NAV1: variants seen among roughly 807,000 people sequenced by gnomAD.
NAV1 encodes pore membrane and/or filament interacting like protein 3.
A neutral mutation model predicts 175.2 loss-of-function variants in NAV1; 18 were observed. That is an observed-to-expected ratio of 0.10 (90% CI 0.07 to 0.15). The LOEUF (loss-of-function observed/expected upper bound fraction) is 0.15, where lower values mean the gene tolerates loss of function less well. Ranked by LOEUF, NAV1 falls within the 10% of genes least tolerant of loss-of-function variation. The pLI is 1.00. For missense variants in NAV1, 1,731 were observed against 2,436.6 expected (o/e 0.71, Z 6.10); for synonymous variants, 897 against 978.7 (o/e 0.92, Z 1.56).
At chr1:201,590,449 C>T (rs1667153898) in intron 2 of NAV1, among the ~76,000 whole-genome samples, 1 of 152,200 alleles carries the variant, frequency 6.6e-6, no homozygotes, top group Admixed American at 6.5e-5. Flanking sequence ...AAATGAAATT[C>T]AATGAGTTTT....
intron 16 of NAV1, 102 bp downstream of exon 20, chr1:201,803,816 C>A: frequency 7.0e-7 from 1 of 1,427,056 alleles, no homozygotes; most frequent in Non-Finnish European, 9.5e-7. Context: ...AAGGTGTAGT[C>A]CCGTCTAACA....
At chr1:201,630,195 G>A (rs920383856) in intron 2 of NAV1, among the ~76,000 whole-genome samples, 10 of 152,184 alleles carry the variant, frequency 6.6e-5, no homozygotes, top group African/African-American at 2.2e-4. Flanking sequence ...ACTTACGGAC[G>A]TGTGCTGATT....
At chr1:201,573,861 A>G (rs1666617514) in intron 1 of NAV1, among the ~76,000 whole-genome samples, 1 of 152,108 alleles carries the variant, frequency 6.6e-6, no homozygotes. Flanking sequence ...CCTAGTCCCA[A>G]CCTGGGCAAC....
At chr1:201,725,964 A>G (rs1337385981) in intron 3 of NAV1, among the ~76,000 whole-genome samples, 1 of 152,226 alleles carries the variant, frequency 6.6e-6, no homozygotes, top group Non-Finnish European at 1.5e-5. Context: ...AGAAAGTTAA[A>G]TAAATTTTAA....
At chr1:201,685,434 T>A (rs926912775) in intron 1 of NAV1, among the ~76,000 whole-genome samples, 6 of 152,144 alleles carry the variant, frequency 3.9e-5, no homozygotes, top group African/African-American at 9.7e-5. Context: ...GTAAGGCAAA[T>A]GAGCTCGCAC....
intron 2 of NAV1, among the ~76,000 whole-genome samples, chr1:201,612,610 A>T (rs147240823): frequency 4.3e-4 from 66 of 152,312 alleles, no homozygotes; most frequent in African/African-American, 1.3e-3. Context: ...GGTGGAAGAA[A>T]GGGGCAAACA....
chr1:201,617,771 T>C (rs920128211), intron 2 of NAV1, among the ~76,000 whole-genome samples: 2 of 152,182 alleles, frequency 1.3e-5, no homozygotes, highest in Non-Finnish European at 2.9e-5. Flanking sequence ...CACATTTTTG[T>C]CTAACACTGA....
chr1:201,748,977 A>G (rs57800400), intron 3 of NAV1, among the ~76,000 whole-genome samples: 9,255 of 152,060 alleles, frequency 0.061, 921 homozygotes, highest in African/African-American at 0.21. Flanking sequence ...ACGAAACCCA[A>G]TCTCTACTAA....
rs754696577 is a variant in NAV1, at chr1:201,809,157, C to T, written c.4208-7C>T. On this transcript the variant is annotated splice_polypyrimidine_tract_variant and splice_region_variant and intron_variant, in intron 20 of 29. Coordinates refer to ENST00000367296, the Ensembl canonical transcript of NAV1. ...TAAAACCAGTTGGTTCTTTTCAATC[C>T]CCACAGACCTGTCACCCATGGATGG... The T allele has an allele frequency of 1.2e-6, 2 of 1,613,236 alleles. No homozygotes were observed. The highest frequency in any genetic ancestry group is 1.7e-6 in the Non-Finnish European group (2 of 1,179,468).
intron 1 of NAV1, chr1:201,673,237 C>T (rs551826344): frequency 1.3e-4 from 20 of 152,366 alleles, no homozygotes; most frequent in African/African-American, 4.8e-4. Flanking sequence ...ACTTCCGGCC[C>T]GTGGGCAGGC....
At chr1:201,692,664 C>T (rs1227840750) in intron 1 of NAV1, among the ~76,000 whole-genome samples, 1 of 152,190 alleles carries the variant, frequency 6.6e-6, no homozygotes, top group African/African-American at 2.4e-5. Context: ...ACATATGTGA[C>T]AAGTCAGGTG....
At chr1:201,706,374 A>G (rs532853116) in intron 1 of NAV1, among the ~76,000 whole-genome samples, 1 of 152,148 alleles carries the variant, frequency 6.6e-6, no homozygotes, top group Admixed American at 6.5e-5. Context: ...ACCATCCCAC[A>G]TGATTAATTT....
At chr1:201,560,389 T>A (rs936337227) in intron 1 of NAV1, among the ~76,000 whole-genome samples, 2 of 152,166 alleles carry the variant, frequency 1.3e-5, no homozygotes, top group South Asian at 4.2e-4. Flanking sequence ...CAGCGCCAGC[T>A]TCCCCTCCAC....
At chr1:201,794,254 C>T (rs1677293065) in intron 14 of NAV1, 3 of 635,340 alleles carry the variant, frequency 4.7e-6, no homozygotes, top group Admixed American at 2.1e-5. Flanking sequence ...CAGGTTCAAG[C>T]GATTCTCCTG....
intron 1 of NAV1, among the ~76,000 whole-genome samples, chr1:201,628,851 C>A (rs1668409646): frequency 6.6e-6 from 1 of 152,158 alleles, no homozygotes; most frequent in Admixed American, 6.5e-5. Flanking sequence ...AGCAAGAGAC[C>A]TGTCCTCCCG....
chr1:201,633,652 G>T (rs1351524802), intron 2 of NAV1, among the ~76,000 whole-genome samples: 2 of 152,200 alleles, frequency 1.3e-5, no homozygotes, highest in Admixed American at 6.5e-5. Flanking sequence ...TGGCATCCCT[G>T]TCACTCCAAA....
chr1:201,715,089 T>C lies in NAV1; in HGVS notation c.860+2170T>C, dbSNP rs142612495. The stretch of plus-strand genomic sequence containing the variant: ...TTACTGTGGACCTAGAGCCACTTCC[T>C]CTCATAGGCTTTGGTTTATATTATT... On this transcript the variant is annotated intron_variant, in intron 2 of 29. Transcript: ENST00000367296. Among the ~76,000 whole-genome samples the C allele has an allele frequency of 6.8e-4, 104 of 152,120 alleles. 2 individuals are homozygous for C. Among genetic ancestry groups the C allele is most frequent in the African/African-American group, 2.4e-3 (99 of 41,520 alleles).
rs574360859 is a variant in NAV1 at position 201,703,624 on chromosome 1, G to A, written c.758-9193G>A. Among the ~76,000 whole-genome samples, 7 of 152,334 alleles carry A rather than the reference G, an allele frequency of 4.6e-5. No homozygotes were observed. The South Asian group carries it at 1.2e-3, about 27-fold the overall frequency. Reference sequence around the variant, plus strand: ...GTGATCTTGTTGCTAAATATTAGTGGCTGTGGAGGTATTGCTTTCTCCTGG... The same window carrying A: ...GTGATCTTGTTGCTAAATATTAGTGACTGTGGAGGTATTGCTTTCTCCTGG... On this transcript the variant is annotated intron_variant, in intron 1 of 29. Coordinates refer to ENST00000367296, the Ensembl canonical transcript of NAV1.
At chr1:201,675,817 A>G (rs2102388245) in intron 1 of NAV1, among the ~76,000 whole-genome samples, 1 of 152,302 alleles carries the variant, frequency 6.6e-6, no homozygotes, top group Non-Finnish European at 1.5e-5. Context: ...ATCTGGAACC[A>G]TTTTCTGAAG....
Sources: allele counts gnomAD v4.1 joint callset (sites outside exome capture counted in the v4.1 genomes callset), GRCh38; gene constraint gnomAD v4.1.1; transcripts MANE v1.5; gene names NCBI Gene and HGNC (gene_info 2026-07-23, HGNC 2026-07-21).